The following LRRC4C variants were observed in gnomAD, a reference collection of about 807,000 sequenced individuals.
LRRC4C encodes leucine rich repeat containing 4C.
In LRRC4C, 5 loss-of-function variants were observed where a neutral mutation model predicts 33.6. The observed-to-expected ratio is 0.15, with a 90% CI of 0.08 to 0.31. The LOEUF (loss-of-function observed/expected upper bound fraction) is 0.31, where lower values mean the gene tolerates loss of function less well. Among genes scored for constraint, LRRC4C ranks in the 10% least tolerant of loss-of-function variants. The probability of loss-of-function intolerance (pLI) is 1.00; values close to 1 mark genes in which losing one functional copy is unlikely to be tolerated. For synonymous variants in LRRC4C, 329 were observed against 302.0 expected (o/e 1.09, Z -0.93); for missense variants, 560 against 796.7 (o/e 0.70, Z 3.58).
chr11:40,910,456 G>C (rs1456308736), intron 2 of LRRC4C, among the ~76,000 whole-genome samples: 1 of 152,174 alleles, frequency 6.6e-6, no homozygotes, highest in Non-Finnish European at 1.5e-5. Context: ...TAAAAATGTA[G>C]CTTTAATGTC....
intron 1 of LRRC4C, among the ~76,000 whole-genome samples, chr11:40,990,833 T>A (rs959840430): frequency 6.6e-6 from 1 of 152,150 alleles, no homozygotes; most frequent in Non-Finnish European, 1.5e-5. Context: ...AGTTTGACCT[T>A]TGAATATACA....
intron 1 of LRRC4C, among the ~76,000 whole-genome samples, chr11:41,404,887 C>T (rs1414497328): frequency 2.0e-5 from 3 of 152,014 alleles, no homozygotes; most frequent in African/African-American, 7.2e-5. Context: ...ATGAGGAGGA[C>T]ATTCTTATTG....
chr11:40,324,552 A>C (rs1565273822), intron 3 of LRRC4C, among the ~76,000 whole-genome samples: 1 of 152,194 alleles, frequency 6.6e-6, no homozygotes. Flanking sequence ...GAAAAACAAT[A>C]AATTGAGCAC....
chr11:40,830,408 G>T (rs1952359639), intron 2 of LRRC4C, among the ~76,000 whole-genome samples: 1 of 152,034 alleles, frequency 6.6e-6, no homozygotes. Context: ...CCATCCAACT[G>T]CAGACTCTAC....
intron 1 of LRRC4C, among the ~76,000 whole-genome samples, chr11:41,155,603 G>C (rs12577510): frequency 6.6e-6 from 1 of 151,984 alleles, no homozygotes; most frequent in African/African-American, 2.4e-5. Flanking sequence ...GTAACATGGG[G>C]CATAGCCAGT....
intron 1 of LRRC4C, among the ~76,000 whole-genome samples, chr11:40,973,233 C>A (rs1851852431): frequency 6.6e-6 from 1 of 151,930 alleles, no homozygotes; most frequent in East Asian, 1.9e-4. Context: ...AACTAATACA[C>A]TAGTTATGTC....
intron 1 of LRRC4C, among the ~76,000 whole-genome samples, chr11:41,262,419 A>AT (rs1417814758): frequency 2.0e-5 from 3 of 151,286 alleles, no homozygotes; most frequent in Non-Finnish European, 4.4e-5. Flanking sequence ...AAAAAAAAAA[A>AT]AATAGAAAAA....
In LRRC4C at chr11:41,013,801, A is replaced by C. The variant is rs1458247490; in HGVS notation, c.-495-80078T>G. Among the ~76,000 whole-genome samples, 3 of 152,158 alleles carry C rather than the reference A, an allele frequency of 2.0e-5. No homozygotes were observed. In the East Asian group the frequency reaches 5.8e-4, roughly 29 times the overall value. On this transcript the variant is annotated intron_variant, in intron 1 of 6. Transcript: ENST00000528697. ...AATTTAGTTGGCTTACAGTTCTGCA[A>C]ACTCTACAGTAAGTATGACTGGGGA...
intron 3 of LRRC4C, among the ~76,000 whole-genome samples, chr11:40,333,995 T>A (rs1313173188): frequency 6.6e-6 from 1 of 152,182 alleles, no homozygotes; most frequent in Non-Finnish European, 1.5e-5. Context: ...TGCTTTATCA[T>A]ACATCACTGT....
chr11:40,606,541 GA>G (rs1337622865), intron 3 of LRRC4C, among the ~76,000 whole-genome samples: 1 of 151,266 alleles, frequency 6.6e-6, no homozygotes. Context: ...GCCCCATCAA[GA>G]AAAACAATTC....
chr11:40,385,734 G>A (rs1949081255), intron 3 of LRRC4C, among the ~76,000 whole-genome samples: 1 of 151,912 alleles, frequency 6.6e-6, no homozygotes, highest in Admixed American at 6.6e-5. Context: ...GGGCATGGTG[G>A]CATGTGCTTG....
intron 3 of LRRC4C, among the ~76,000 whole-genome samples, chr11:40,576,187 G>A (rs534416140): frequency 6.6e-6 from 1 of 152,198 alleles, no homozygotes. Flanking sequence ...TAAAACACCT[G>A]TTTGGACTAG....
intron 2 of LRRC4C, among the ~76,000 whole-genome samples, chr11:40,756,069 T>C (rs1948931588): frequency 1.3e-5 from 2 of 151,896 alleles, no homozygotes; most frequent in African/African-American, 4.8e-5. Flanking sequence ...AAAGGGAAGA[T>C]CCTGGGAAGA....
chr11:41,309,261 C>T (rs1048896966), intron 1 of LRRC4C, among the ~76,000 whole-genome samples: 3 of 152,182 alleles, frequency 2.0e-5, no homozygotes, highest in Non-Finnish European at 4.4e-5. Context: ...ATGGGTTGTG[C>T]AGTCTGGTGA....
chr11:40,846,372 G>T (rs959486966), intron 2 of LRRC4C, among the ~76,000 whole-genome samples: 1 of 152,068 alleles, frequency 6.6e-6, no homozygotes, highest in Non-Finnish European at 1.5e-5. Context: ...GTAAGGAAGG[G>T]GTCCAGTTTC....
chr11:41,065,258 T>C (rs542425675), intron 1 of LRRC4C, among the ~76,000 whole-genome samples: 1 of 152,234 alleles, frequency 6.6e-6, no homozygotes, highest in South Asian at 2.1e-4. Flanking sequence ...TAGGTGGTTT[T>C]CCCCTGACAG....
intron 5 of LRRC4C, among the ~76,000 whole-genome samples, chr11:40,214,299 G>A (rs1863819519): frequency 1.3e-5 from 2 of 152,090 alleles, no homozygotes; most frequent in African/African-American, 2.4e-5. Context: ...CCTGGGTTTG[G>A]GGGATTATAT....
intron 1 of LRRC4C, among the ~76,000 whole-genome samples, chr11:41,256,381 A>G (rs970749909): frequency 4.6e-5 from 7 of 151,806 alleles, no homozygotes; most frequent in Non-Finnish European, 7.4e-5. Context: ...CCAATCAGTT[A>G]CTCCCTCATA....
chr11:40,623,189 T>C (rs1299964000), intron 3 of LRRC4C, among the ~76,000 whole-genome samples: 1 of 151,772 alleles, frequency 6.6e-6, no homozygotes. Flanking sequence ...GAAAAGATGA[T>C]CACTAAGTCA....
Sources: gnomAD v4.1 joint callset for allele counts (sites outside exome capture counted in the v4.1 genomes callset) on GRCh38, gnomAD v4.1.1 for gene constraint, MANE v1.5 for transcripts, NCBI Gene and HGNC (gene_info 2026-07-23, HGNC 2026-07-21) for gene names.